The following WWOX variants were observed in gnomAD, a reference collection of about 807,000 sequenced individuals.
WWOX encodes the protein WW domain-containing oxidoreductase.
In WWOX, 69 loss-of-function variants were observed where a neutral mutation model predicts 46.2. The observed-to-expected ratio is 1.49, with a 90% CI of 1.23 to 1.82. WWOX has a LOEUF of 1.82. WWOX is among the 40% of genes most tolerant of loss of function. The pLI is 0.00. For missense variants in WWOX, 919 were observed against 542.6 expected, an observed-to-expected ratio of 1.69 and a Z score of -6.89; for synonymous variants, 359 against 202.6, an observed-to-expected ratio of 1.77 and a Z score of -6.56.
chr16:78,662,696 C>G (rs2047245223), intron 8 of WWOX, among the ~76,000 whole-genome samples: 1 of 152,218 alleles, frequency 6.6e-6, no homozygotes, highest in South Asian at 2.1e-4. Context: ...TTCAGCATCT[C>G]TTGCAGGCTG....
At chr16:79,132,303 G>A (rs9646324) in intron 8 of WWOX, among the ~76,000 whole-genome samples, 36,315 of 152,056 alleles carry the variant, frequency 0.24, 4,689 homozygotes, top group East Asian at 0.37. Context: ...GGGCACCTAG[G>A]CTTTGATTTC....
chr16:78,731,303 G>A (rs1334055096), intron 8 of WWOX, among the ~76,000 whole-genome samples: 20 of 152,142 alleles, frequency 1.3e-4, no homozygotes, highest in Non-Finnish European at 1.5e-5. Flanking sequence ...ACGCTCACAT[G>A]AAGCTGCCAA....
chr16:78,396,830 G>A (rs2082298852), intron 6 of WWOX, among the ~76,000 whole-genome samples: 1 of 152,114 alleles, frequency 6.6e-6, no homozygotes, highest in African/African-American at 2.4e-5. Context: ...AGTAGCCTGG[G>A]ACAACACATA....
intron 8 of WWOX, among the ~76,000 whole-genome samples, chr16:79,150,993 G>C (rs2050267948): frequency 1.3e-5 from 2 of 152,116 alleles, no homozygotes; most frequent in African/African-American, 4.8e-5. Context: ...TTGAGGCTTT[G>C]TAGGACGTTG....
intron 4 of WWOX, among the ~76,000 whole-genome samples, chr16:78,119,236 G>A (rs539396156): frequency 2.0e-5 from 3 of 152,178 alleles, no homozygotes; most frequent in African/African-American, 4.8e-5. Flanking sequence ...TAAAAGCAAC[G>A]GAAATGCCTT....
At chr16:79,141,224 C>T (rs549596790) in intron 8 of WWOX, among the ~76,000 whole-genome samples, 2 of 152,272 alleles carry the variant, frequency 1.3e-5, no homozygotes, top group East Asian at 3.9e-4. Flanking sequence ...GACCTGGAAG[C>T]CCCCTCCTCA....
intron 8 of WWOX, among the ~76,000 whole-genome samples, chr16:78,750,950 A>G (rs1226370212): frequency 6.6e-6 from 1 of 152,168 alleles, no homozygotes; most frequent in African/African-American, 2.4e-5. Context: ...TGCTGCCAAG[A>G]ACGTGAGTGC....
intron 8 of WWOX, among the ~76,000 whole-genome samples, chr16:78,654,099 T>C (rs531010006): frequency 2.0e-5 from 3 of 152,258 alleles, no homozygotes; most frequent in South Asian, 2.1e-4. Context: ...TAAATCCAGG[T>C]AGAGAGAAAC....
chr16:78,511,418 A>T (rs932496732), intron 8 of WWOX, among the ~76,000 whole-genome samples: 1 of 152,324 alleles, frequency 6.6e-6, no homozygotes, highest in East Asian at 1.9e-4. Flanking sequence ...AGGGAACAAG[A>T]TGACATTTTG....
At chr16:78,842,124 G>T (rs1393026533) in intron 8 of WWOX, among the ~76,000 whole-genome samples, 1 of 152,132 alleles carries the variant, frequency 6.6e-6, no homozygotes, top group East Asian at 1.9e-4. Flanking sequence ...GATCAGCAAT[G>T]TATCTCTTAA....
chr16:78,722,760 G>T (rs1404554443), intron 8 of WWOX, among the ~76,000 whole-genome samples: 1 of 148,864 alleles, frequency 6.7e-6, no homozygotes, highest in Non-Finnish European at 1.5e-5. Context: ...CCTGTGAAGA[G>T]CTGGGTGTGG....
At chr16:78,773,133 G>A (rs1052794818) in intron 8 of WWOX, among the ~76,000 whole-genome samples, 14 of 152,176 alleles carry the variant, frequency 9.2e-5, no homozygotes, top group African/African-American at 3.4e-4. Context: ...AGCTTCATGA[G>A]GGCAGGGGAC....
At chr16:78,995,744 T>TA (rs1341564043) in intron 8 of WWOX, among the ~76,000 whole-genome samples, 3 of 152,124 alleles carry the variant, frequency 2.0e-5, no homozygotes, top group African/African-American at 4.8e-5. Context: ...TAAATCACTA[T>TA]AAAAATGTTT....
intron 8 of WWOX, among the ~76,000 whole-genome samples, chr16:78,905,240 G>C (rs1178497797): frequency 6.6e-6 from 1 of 152,186 alleles, no homozygotes; most frequent in African/African-American, 2.4e-5. Flanking sequence ...GGAGGAGGCG[G>C]AGAAGAAAAT....
chr16:78,426,554 T>C (rs1404586886), intron 7 of WWOX, among the ~76,000 whole-genome samples: 1 of 152,200 alleles, frequency 6.6e-6, no homozygotes, highest in East Asian at 1.9e-4. Context: ...ATTAGACCTA[T>C]GTTAGTTTAT....
chr16:78,944,014 C>T (rs1220482402), intron 8 of WWOX, among the ~76,000 whole-genome samples: 2 of 152,124 alleles, frequency 1.3e-5, no homozygotes, highest in South Asian at 2.1e-4. Context: ...AAGGAAAGGA[C>T]GTTTGAAGAA....
Position 78,952,179 on chromosome 16 carries a change from C to T in WWOX, c.1057-259429C>T, listed in dbSNP as rs921371368. Among the ~76,000 whole-genome samples the T allele has an allele frequency of 4.6e-5, 7 of 152,142 alleles. No individual in the cohort carries two copies. The East Asian group carries it at 7.8e-4, about 17-fold the overall frequency. ...TCTTTTGGCTTCCTGCAGTTGCCCT[C>T]CTGCAGCAGGGCTTTTGCACATGCT... On this transcript the variant is annotated intron_variant, in intron 8 of 8. Transcript: ENST00000566780.
chr16:79,151,334 C>A (rs994422974), intron 8 of WWOX, among the ~76,000 whole-genome samples: 7 of 152,186 alleles, frequency 4.6e-5, no homozygotes, highest in Admixed American at 3.3e-4. Context: ...ACTAACAAAA[C>A]GTCTCCAGCA....
chr16:79,006,208 AC>A (rs2047187471), intron 8 of WWOX, among the ~76,000 whole-genome samples: 2 of 152,196 alleles, frequency 1.3e-5, no homozygotes, highest in South Asian at 4.1e-4. Context: ...GGCAGGAAAG[AC>A]TTCCCAGTCT....
Sources: allele counts gnomAD v4.1 joint callset (sites outside exome capture counted in the v4.1 genomes callset), GRCh38; gene constraint gnomAD v4.1.1; transcripts MANE v1.5; gene names NCBI Gene and HGNC (gene_info 2026-07-23, HGNC 2026-07-21).